The following WASHC4 variants were observed in gnomAD, a reference collection of about 807,000 sequenced individuals.
WASHC4 encodes the protein WASH complex subunit 4.
A neutral mutation model predicts 166.6 loss-of-function variants in WASHC4; 86 were observed. The observed-to-expected ratio is 0.52, with a 90% CI of 0.43 to 0.62. The LOEUF is 0.62. WASHC4 is among the 20% of genes least tolerant of loss of function. WASHC4 has a pLI of 0.00. For missense variants in WASHC4, 1,262 were observed against 1,382.4 expected (o/e 0.91, Z 1.38); for synonymous variants, 446 against 451.6 (o/e 0.99, Z 0.16).
At chr12:105,120,726 G>T (rs141385655) in intron 8 of WASHC4, 129 bp downstream of exon 8, 11 of 671,252 alleles carry the variant, frequency 1.6e-5, no homozygotes, top group Non-Finnish European at 1.9e-5. Flanking sequence ...GTGTGTGTTT[G>T]TGTGTGTTTG....
intron 6 of WASHC4, 71 bp from the exon 7 acceptor site, chr12:105,118,375 C>T: frequency 1.8e-6 from 2 of 1,081,648 alleles, no homozygotes; most frequent in Non-Finnish European, 2.9e-6. Flanking sequence ...GAGTTGTTAC[C>T]ATAAAATTCA....
intron 13 of WASHC4, among the ~76,000 whole-genome samples, chr12:105,131,936 A>G (rs1881860601): frequency 6.6e-6 from 1 of 152,170 alleles, no homozygotes; most frequent in Non-Finnish European, 1.5e-5. Flanking sequence ...TTAGATTGAA[A>G]TCTTGAGATT....
intron 22 of WASHC4, 72 bp from the exon 23 acceptor site, chr12:105,146,380 A>G (rs1447507647): frequency 7.7e-6 from 7 of 914,308 alleles, no homozygotes; most frequent in Admixed American, 1.8e-5. Context: ...TCAATAAGTC[A>G]TTATGCTGAT....
At chr12:105,144,492 CTT>C (rs370837338) in intron 21 of WASHC4, 37 bp downstream of exon 21, 82,920 of 1,203,750 alleles carry the variant, frequency 0.069, no homozygotes, top group South Asian at 0.083. Flanking sequence ...GTCATATTCT[CTT>C]TTTTTTTTTT....
Position 105,144,916 on chromosome 12 carries a change from TG to T in WASHC4, c.2334+45del, listed in dbSNP as rs752840544. The T allele has an allele frequency of 1.5e-5, 23 of 1,566,570 alleles. No individual in the cohort carries two copies. In the Admixed American group the frequency reaches 2.0e-4, roughly 14 times the overall value. On this transcript the variant is annotated intron_variant, in intron 22 of 32. Transcript: ENST00000332180. ...TTTTTAGCATACTGTGACTGTTGGC[TG>T]TAACAGTACTTTTTAAGGAAGTCTT...
rs576174489 is a variant in WASHC4 at position 105,117,225 on chromosome 12, A to G, written c.436-1221A>G. Among the ~76,000 whole-genome samples the G allele has an allele frequency of 1.2e-4, 18 of 152,320 alleles. No individual in the cohort carries two copies. The East Asian group carries it at 3.3e-3, about 28-fold the overall frequency. On this transcript the variant is annotated intron_variant, in intron 6 of 32. Transcript: ENST00000332180. ...AATCAAGTCTGTTTTGTCTGACAGT[A>G]TAATAATAATGCTGCCCTGGCTCCG...
In WASHC4 at chr12:105,148,122, G is replaced by A. The variant is rs1421456341; in HGVS notation, c.2514+976G>A. The A allele has an allele frequency of 5.1e-6, 5 of 985,146 alleles. No homozygotes were observed. In the African/African-American group the frequency reaches 8.7e-5, roughly 17 times the overall value. The allele number at this position is 985,146 out of a possible 1,614,324, so 61.0% of individuals were successfully genotyped here. A position where few individuals can be genotyped will look rare whatever the true frequency, so the allele number is the denominator to read the frequency against. On this transcript the variant is annotated intron_variant, in intron 24 of 32. Coordinates refer to ENST00000332180, the MANE Select transcript of WASHC4 (RefSeq NM_015275.3). ...GTAGGGAATTGGGAGAAAATGGAAA[G>A]TTAAGTTGGGATCATTTAAGTATAC...
chr12:105,125,925 G>A (rs1404305079), intron 10 of WASHC4, 79 bp from the exon 11 acceptor site: 18 of 1,287,974 alleles, frequency 1.4e-5, no homozygotes, highest in Admixed American at 3.5e-5. Context: ...ATCATACACT[G>A]TATTTAGTGT....
At position 105,153,623 on chromosome 12, in the gene WASHC4, T is replaced by C. The variant is rs371787245; in HGVS notation, c.2758+1172T>C. Among the ~76,000 whole-genome samples, 10 of 152,344 alleles carry C rather than the reference T, an allele frequency of 6.6e-5. No homozygotes were observed. In the East Asian group the frequency reaches 1.2e-3, roughly 18 times the overall value. ...GGATGATTGTTCCAGAACTAATGCCTATATGACATACGTACACAATTTTGT... is the reference window on the plus strand; with the variant it reads ...GGATGATTGTTCCAGAACTAATGCCCATATGACATACGTACACAATTTTGT... On this transcript the variant is annotated intron_variant, in intron 26 of 32. Coordinates refer to ENST00000332180, the MANE Select transcript of WASHC4 (RefSeq NM_015275.3).
At chr12:105,129,808 A>G (rs938418516) in intron 13 of WASHC4, among the ~76,000 whole-genome samples, 2 of 152,260 alleles carry the variant, frequency 1.3e-5, no homozygotes, top group Admixed American at 6.5e-5. Flanking sequence ...AAAGGTGAAG[A>G]TGACAGATAG....
chr12:105,116,074 A>G (rs1421366130), intron 6 of WASHC4, among the ~76,000 whole-genome samples: 1 of 152,166 alleles, frequency 6.6e-6, no homozygotes, highest in Non-Finnish European at 1.5e-5. Flanking sequence ...TACATGAGCA[A>G]TGATGAAGTT....
rs1379645049 is a variant in WASHC4 at position 105,121,192 on chromosome 12, C to A, written c.653C>A (p.Thr218Asn). ...CATATCACACTGAAAGACCACTGGA[C>A]TATGTACAAAAGGTACACCAATTAA... ...DNHITLKDHW[T>N]MYKRLLKSVH... Residue 218 changes from threonine to asparagine, a missense_variant, in exon 9 of 33, where the codon ACT (threonine) becomes AAT (asparagine). Transcript: ENST00000332180. The A allele has an allele frequency of 1.9e-6, 3 of 1,571,808 alleles. No individual in the cohort carries two copies. The East Asian group carries it at 6.7e-5, about 35-fold the overall frequency.
At chr12:105,160,684 C>A (rs1285414276) in intron 29 of WASHC4, among the ~76,000 whole-genome samples, 1 of 152,060 alleles carries the variant, frequency 6.6e-6, no homozygotes, top group Non-Finnish European at 1.5e-5. Flanking sequence ...TAAATAATTA[C>A]TGGAGAAATT....
chr12:105,122,493 T>A (rs946832303), intron 10 of WASHC4, among the ~76,000 whole-genome samples: 1 of 151,828 alleles, frequency 6.6e-6, no homozygotes, highest in Non-Finnish European at 1.5e-5. Flanking sequence ...AGGATTAACA[T>A]CTAATCTTAG....
rs1341738663 is a variant in WASHC4 at position 105,164,689 on chromosome 12, A to G, written c.3403A>G (p.Arg1135Gly). The stretch of plus-strand genomic sequence containing the variant: ...ACTGAGCAGTGCAAGAATTTTCTTC[A>G]GAGCAGACAAGACTGCGGCTGAAGA... ...FSLSSARIFF[R>G]ADKTAAEENQ... Residue 1135 changes from arginine (R) to glycine (G), a missense_variant, in exon 32 of 33, where the codon AGA becomes GGA. Arg to Gly is a moderately radical substitution (Grantham distance 125, BLOSUM62 -2). Coordinates refer to ENST00000332180, the MANE Select transcript of WASHC4 (RefSeq NM_015275.3). The G allele has an allele frequency of 6.2e-7, 1 of 1,613,646 alleles. No homozygotes were observed. Among genetic ancestry groups the G allele is most frequent in the Non-Finnish European group, 8.5e-7 (1 of 1,179,764 alleles).
intron 14 of WASHC4, among the ~76,000 whole-genome samples, chr12:105,136,349 A>G (rs896190021): frequency 6.6e-6 from 1 of 152,050 alleles, no homozygotes; most frequent in African/African-American, 2.4e-5. Context: ...TGTCTTCCAG[A>G]TCTTGGCCTT....
In WASHC4 at chr12:105,108,850, T is replaced by C. The variant is rs144145141; in HGVS notation, c.61+989T>C. Among the ~76,000 whole-genome samples the C allele has an allele frequency of 8.3e-3, 1,263 of 152,230 alleles. 53 individuals are homozygous for C. The highest frequency in any genetic ancestry group is 0.068 in the Admixed American group (1,034 of 15,298). On this transcript the variant is annotated intron_variant, in intron 1 of 32. Coordinates refer to ENST00000332180, the MANE Select transcript of WASHC4 (RefSeq NM_015275.3). ...ACTAATGCCTACAATGTTAGATGAA[T>C]TAGGTTTTACAAGTCTCTCAGAGAA... is the stretch of plus-strand genomic sequence containing the variant.
At chr12:105,124,889 G>T (rs1158620756) in intron 10 of WASHC4, among the ~76,000 whole-genome samples, 1 of 152,112 alleles carries the variant, frequency 6.6e-6, no homozygotes, top group Non-Finnish European at 1.5e-5. Context: ...ACTACATGTG[G>T]CTATTTAAAT....
intron 25 of WASHC4, among the ~76,000 whole-genome samples, chr12:105,150,743 T>C (rs576066860): frequency 1.3e-5 from 2 of 152,248 alleles, no homozygotes; most frequent in East Asian, 3.9e-4. Flanking sequence ...GGGTAATTTA[T>C]AAAGGAAAGA....
Sources: gnomAD v4.1 joint callset for allele counts (sites outside exome capture counted in the v4.1 genomes callset) on GRCh38, gnomAD v4.1.1 for gene constraint, MANE v1.5 for transcripts, NCBI Gene and HGNC (gene_info 2026-07-23, HGNC 2026-07-21) for gene names.